Variants in ATAD1 observed in about 807,000 individuals in gnomAD.
The protein encoded by ATAD1 is ATPase family AAA domain containing 1, also known as outer mitochondrial transmembrane helix translocase.
In ATAD1, 18 loss-of-function variants were observed where a neutral mutation model predicts 42.7. That is an observed-to-expected ratio of 0.42 (90% CI 0.29 to 0.63). The LOEUF (loss-of-function observed/expected upper bound fraction) is 0.63. ATAD1 is among the 20% of genes least tolerant of loss of function. ATAD1 has a pLI of 0.19. For synonymous variants in ATAD1, 132 were observed against 143.1 expected (o/e 0.92, Z 0.55); for missense variants, 294 against 440.4 (o/e 0.67, Z 2.98).
upstream of ATAD1, among the ~76,000 whole-genome samples, chr10:87,821,989 C>G (rs940792106): frequency 6.6e-6 from 1 of 152,188 alleles, no homozygotes; most frequent in African/African-American, 2.4e-5. Flanking sequence ...GAACCATTAA[C>G]CCAGCTGGAA....
chr10:87,840,859 TATATG>T (rs1400611664), intron 1 of ATAD1, among the ~76,000 whole-genome samples: 2 of 152,182 alleles, frequency 1.3e-5, no homozygotes, highest in Admixed American at 6.5e-5. Flanking sequence ...TGTAAAGTAA[TATATG>T]ATGATATTTT....
intron 1 of ATAD1, among the ~76,000 whole-genome samples, chr10:87,817,355 T>C (rs968568699): frequency 1.3e-5 from 2 of 152,330 alleles, no homozygotes; most frequent in East Asian, 1.9e-4. Context: ...TACACAAATA[T>C]GTACATATAC....
chr10:87,835,938 A>C (rs767269831), intron 1 of ATAD1, among the ~76,000 whole-genome samples: 13 of 152,184 alleles, frequency 8.5e-5, no homozygotes, highest in Non-Finnish European at 5.9e-5. Flanking sequence ...TTTAGATCCT[A>C]TTACCTTCCC....
chr10:87,755,652 T>TA (rs1854185608), intron 9 of ATAD1, among the ~76,000 whole-genome samples: 1 of 152,164 alleles, frequency 6.6e-6, no homozygotes, highest in South Asian at 2.1e-4. Context: ...CTCACACCTG[T>TA]AACCCTAGCA....
intron 7 of ATAD1, among the ~76,000 whole-genome samples, chr10:87,768,109 G>C (rs1218164132): frequency 6.6e-6 from 1 of 152,046 alleles, no homozygotes; most frequent in East Asian, 1.9e-4. Flanking sequence ...AATTCAAAGA[G>C]ATGGCAACAG....
At chr10:87,819,121 T>C (rs1190919806), upstream of ATAD1, 1 of 152,146 alleles carries the variant, frequency 6.6e-6, no homozygotes, top group African/African-American at 2.4e-5. Flanking sequence ...GCATCATCTT[T>C]GATGGCTAAA....
Position 87,829,234 on chromosome 10 carries a change from A to ATTATTTATTTATTTAT in ATAD1, c.-14+11937_-14+11952dup, listed in dbSNP as rs71022510. Reference sequence around the variant, plus strand: ...TCTGGAGGGATTCATTATTTTATTTATTATTTATTTATTTATTTATTTATT... The same window carrying ATTATTTATTTATTTAT: ...TCTGGAGGGATTCATTATTTTATTTATTATTTATTTATTTATTTATTTATTTATTTATTTATTTATT... On this transcript the variant is annotated intron_variant, in intron 1 of 4. Transcript: ENST00000495903. 1.5e-3 allele frequency among the ~76,000 whole-genome samples: 211 copies of ATTATTTATTTATTTAT among 142,966 alleles called. 1 individual carries two copies. The highest frequency in any genetic ancestry group is 4.3e-3 in the South Asian group (19 of 4,398). 93.8% of individuals were successfully genotyped at this position (142,966 alleles called of 152,430 possible). A position where few individuals can be genotyped will look rare whatever the true frequency, so the allele number is the denominator to read the frequency against.
intron 2 of ATAD1, among the ~76,000 whole-genome samples, chr10:87,802,463 C>A (rs1171928277): frequency 6.6e-6 from 1 of 152,080 alleles, no homozygotes; most frequent in Non-Finnish European, 1.5e-5. Flanking sequence ...TTAAAAAAGT[C>A]TTACCTGAGA....
At chr10:87,803,863 C>T (rs964129654) in intron 2 of ATAD1, among the ~76,000 whole-genome samples, 5 of 152,206 alleles carry the variant, frequency 3.3e-5, no homozygotes, top group African/African-American at 9.7e-5. Flanking sequence ...CTCTGATTCC[C>T]AGCTCCTATT....
At chr10:87,768,716 A>C (rs1854883723) in intron 7 of ATAD1, among the ~76,000 whole-genome samples, 1 of 152,234 alleles carries the variant, frequency 6.6e-6, no homozygotes, top group Non-Finnish European at 1.5e-5. Flanking sequence ...CTCACACGAC[A>C]TATTAAATTT....
intron 8 of ATAD1, 110 bp downstream of exon 8, chr10:87,767,563 G>A (rs1854818761): frequency 9.8e-7 from 1 of 1,016,800 alleles, no homozygotes; most frequent in East Asian, 2.5e-5. Context: ...TGCAGGGGCT[G>A]GAGATCCTTG....
intron 8 of ATAD1, among the ~76,000 whole-genome samples, chr10:87,766,293 C>A (rs1273211657): frequency 6.6e-6 from 1 of 152,116 alleles, no homozygotes; most frequent in African/African-American, 2.4e-5. Context: ...ATGACATACA[C>A]ACAAGGTTAT....
Position 87,817,516 on chromosome 10 carries a change from T to C in ATAD1, c.-14+651A>G, listed in dbSNP as rs563607747. On this transcript the variant is annotated intron_variant, in intron 1 of 9. Coordinates refer to ENST00000680024, the MANE Select transcript of ATAD1 (RefSeq NM_001321967.2). ...ATCGTACTACCTCATCTATGAGCAATTTATTGACATGTATAGCATTCATAG... is the reference window on the plus strand; with the variant it reads ...ATCGTACTACCTCATCTATGAGCAACTTATTGACATGTATAGCATTCATAG... Among the ~76,000 whole-genome samples the C allele has an allele frequency of 1.6e-4, 24 of 152,278 alleles. No individual in the cohort carries two copies. In the South Asian group the frequency reaches 5.0e-3, roughly 32 times the overall value.
intron 6 of ATAD1, among the ~76,000 whole-genome samples, chr10:87,771,997 T>C (rs1389512261): frequency 2.6e-5 from 4 of 152,126 alleles, no homozygotes; most frequent in Admixed American, 2.6e-4. Context: ...TCTTATATCC[T>C]ACTTCTACTC....
intron 6 of ATAD1, among the ~76,000 whole-genome samples, chr10:87,774,911 C>A (rs1855220309): frequency 6.6e-6 from 1 of 152,062 alleles, no homozygotes; most frequent in South Asian, 2.1e-4. Context: ...GCCATGTTCA[C>A]GCCACTGCAT....
intron 1 of ATAD1, among the ~76,000 whole-genome samples, chr10:87,833,628 A>T (rs1320430539): frequency 1.3e-5 from 2 of 151,426 alleles, no homozygotes; most frequent in Non-Finnish European, 2.9e-5. Flanking sequence ...GAGGTTGTGA[A>T]ATCCCCTTCT....
At position 87,751,729 on chromosome 10, in the gene ATAD1, CTA is replaced by C. The variant is rs1372213506; in HGVS notation, c.*2956_*2957del. The C allele has an allele frequency of 3.9e-5, 6 of 152,188 alleles. No individual in the cohort carries two copies. Among genetic ancestry groups the C allele is most frequent in the African/African-American group, 9.7e-5 (4 of 41,448 alleles). 9.4% of individuals were successfully genotyped at this position (152,188 alleles called of 1,614,324 possible). A position where few individuals can be genotyped will look rare whatever the true frequency, so the allele number is the denominator to read the frequency against. On this transcript the variant is annotated 3_prime_UTR_variant, in exon 10 of 10. Transcript: ENST00000680024. Reference sequence around the variant, plus strand: ...TCTGTCAGCTCTAGATGGAATTATTCTATGACTTCATTTGAAGCACCCAGTTG... The same window carrying C: ...TCTGTCAGCTCTAGATGGAATTATTCTGACTTCATTTGAAGCACCCAGTTG...
chr10:87,795,615 T>C (rs1856349066), intron 2 of ATAD1, among the ~76,000 whole-genome samples: 1 of 152,128 alleles, frequency 6.6e-6, no homozygotes, highest in Admixed American at 6.5e-5. Context: ...TCCAAATGAT[T>C]TTCTACCCTT....
chr10:87,772,244 C>G (rs1855079222), intron 6 of ATAD1, among the ~76,000 whole-genome samples: 1 of 151,192 alleles, frequency 6.6e-6, no homozygotes, highest in African/African-American at 2.4e-5. Flanking sequence ...CAGAAAGTAG[C>G]TGGGACTACA....
Sources: allele counts gnomAD v4.1 joint callset (sites outside exome capture counted in the v4.1 genomes callset), GRCh38; gene constraint gnomAD v4.1.1; transcripts MANE v1.5; gene names NCBI Gene and HGNC (gene_info 2026-07-23, HGNC 2026-07-21).